RIMKLA: variants seen among roughly 807,000 people sequenced by gnomAD.
The protein encoded by RIMKLA is N-acetylaspartylglutamate synthase A.
In RIMKLA, 14 loss-of-function variants were observed where a neutral mutation model predicts 32.7. That is an observed-to-expected ratio of 0.43 (90% CI 0.28 to 0.67). RIMKLA has a LOEUF of 0.67. Ranked by LOEUF, RIMKLA falls within the 30% of genes least tolerant of loss-of-function variation. RIMKLA has a pLI of 0.18. For synonymous variants in RIMKLA, 176 were observed against 204.1 expected (o/e 0.86, Z 1.18); for missense variants, 410 against 519.0 (o/e 0.79, Z 2.04).
Position 42,416,950 on chromosome 1 carries a change from G to A in RIMKLA, c.*1976G>A, listed in dbSNP as rs1643254369. ...TAACCCTAGTAATGTGTCTTGTACA[G>A]TTGAAAAATAATACTTCACCTTTAT... On this transcript the variant is annotated 3_prime_UTR_variant, in exon 5 of 5. Transcript: ENST00000431473. The A allele has an allele frequency of 6.6e-6, 1 of 152,194 alleles. No individual in the cohort carries two copies. The highest frequency in any genetic ancestry group is 1.5e-5 in the Non-Finnish European group (1 of 68,032). 9.4% of individuals were successfully genotyped at this position (152,194 alleles called of 1,614,324 possible).
chr1:42,392,634 C>A (rs1185240726), intron 1 of RIMKLA, among the ~76,000 whole-genome samples: 2 of 152,088 alleles, frequency 1.3e-5, no homozygotes, highest in African/African-American at 4.8e-5. Context: ...ACACCATGCC[C>A]CTGGAGCAGC....
chr1:42,407,343 A>T (rs1557756762), intron 3 of RIMKLA, among the ~76,000 whole-genome samples: 4 of 116,658 alleles, frequency 3.4e-5, no homozygotes, highest in African/African-American at 1.2e-4. Flanking sequence ...GGTAAAGTCT[A>T]ACTTGTCTAT....
intron 1 of RIMKLA, among the ~76,000 whole-genome samples, chr1:42,383,182 G>T (rs371951753): frequency 2.6e-5 from 4 of 152,002 alleles, no homozygotes; most frequent in Admixed American, 2.6e-4. Flanking sequence ...CACCGCGTCC[G>T]GCCTGTTCTT....
chr1:42,403,767 T>G (rs1008275498), intron 2 of RIMKLA, among the ~76,000 whole-genome samples: 1 of 152,206 alleles, frequency 6.6e-6, no homozygotes, highest in African/African-American at 2.4e-5. Flanking sequence ...ACAGCATAGC[T>G]GGGTTCTCTG....
At chr1:42,410,825 T>C (rs536156897) in intron 4 of RIMKLA, among the ~76,000 whole-genome samples, 207 of 124,160 alleles carry the variant, frequency 1.7e-3, no homozygotes, top group African/African-American at 5.5e-3. Context: ...ATGTTGGTGA[T>C]AGGAAAAAAA....
rs1384842178 is a variant in RIMKLA, at chr1:42,380,865, C to G, written c.-70C>G. ...CCCGGACGCCGGCCGCCCCTCCGCTCGCCCTACTGAGCGAGCGGCCCGGGG... is the reference window on the plus strand; with the variant it reads ...CCCGGACGCCGGCCGCCCCTCCGCTGGCCCTACTGAGCGAGCGGCCCGGGG... On this transcript the variant is annotated 5_prime_UTR_variant, in exon 1 of 5. Coordinates refer to ENST00000431473, the MANE Select transcript of RIMKLA (RefSeq NM_173642.4). 4 of 1,102,160 alleles carry G rather than the reference C, an allele frequency of 3.6e-6. No individual in the cohort carries two copies. Among genetic ancestry groups the G allele is most frequent in the Non-Finnish European group, 4.5e-6 (4 of 886,154 alleles). 68.3% of individuals were successfully genotyped at this position (1,102,160 alleles called of 1,614,324 possible). A position where few individuals can be genotyped will look rare whatever the true frequency, so the allele number is the denominator to read the frequency against.
At position 42,408,515 on chromosome 1, in the gene RIMKLA, G is replaced by A. The variant is rs563854426; in HGVS notation, c.482-1469G>A. On this transcript the variant is annotated intron_variant, in intron 3 of 4. Coordinates refer to ENST00000431473, the MANE Select transcript of RIMKLA (RefSeq NM_173642.4). ...GCTCACCGCAACCTCTCTGCCTCCC[G>A]AGTTCAAGCGATTCTCCTGCCTCAG... Among the ~76,000 whole-genome samples the A allele has an allele frequency of 2.2e-4, 34 of 152,216 alleles. No homozygotes were observed. In the South Asian group the frequency reaches 5.2e-3, roughly 23 times the overall value.
At chr1:42,404,626 G>A in intron 3 of RIMKLA, 29 bp downstream of exon 3, 1 of 1,455,302 alleles carries the variant, frequency 6.9e-7, no homozygotes, top group Non-Finnish European at 9.6e-7. Context: ...GGGCTTCCTG[G>A]GTAATCAGCC....
At chr1:42,411,229 T>C (rs779493028) in intron 4 of RIMKLA, among the ~76,000 whole-genome samples, 5 of 151,640 alleles carry the variant, frequency 3.3e-5, no homozygotes, top group Non-Finnish European at 7.4e-5. Context: ...GCTGAACTCA[T>C]GAAGCTGAGG....
chr1:42,404,734 T>C (rs1206652889), intron 3 of RIMKLA, 137 bp downstream of exon 3: 1 of 608,938 alleles, frequency 1.6e-6, no homozygotes, highest in African/African-American at 1.8e-5. Context: ...TCTTTCTCTT[T>C]GTCCTCTGTT....
chr1:42,390,489 C>T (rs12119170), intron 1 of RIMKLA, among the ~76,000 whole-genome samples: 60,406 of 151,942 alleles, frequency 0.4, 12,627 homozygotes, highest in Middle Eastern at 0.54. Flanking sequence ...GGATCTACTG[C>T]GTATTTGGAG....
intron 3 of RIMKLA, among the ~76,000 whole-genome samples, chr1:42,405,914 G>A (rs1643139909): frequency 6.6e-6 from 1 of 152,224 alleles, no homozygotes; most frequent in South Asian, 2.1e-4. Context: ...CAACCAGTGA[G>A]CATAGATGAG....
intron 2 of RIMKLA, among the ~76,000 whole-genome samples, chr1:42,404,049 T>A (rs533435925): frequency 8.8e-4 from 134 of 152,242 alleles, no homozygotes; most frequent in African/African-American, 2.9e-3. Flanking sequence ...ATTTTTTTTT[T>A]AGAGACTCAT....
chr1:42,382,734 TA>T (rs1221046070), intron 1 of RIMKLA, among the ~76,000 whole-genome samples: 7 of 151,986 alleles, frequency 4.6e-5, no homozygotes, highest in South Asian at 4.1e-4. Context: ...GAATCAGTCC[TA>T]AAAAAAAGAT....
intron 2 of RIMKLA, among the ~76,000 whole-genome samples, chr1:42,403,279 C>T (rs1245631743): frequency 2.0e-5 from 3 of 152,184 alleles, no homozygotes; most frequent in Non-Finnish European, 2.9e-5. Context: ...CTTATTTCTG[C>T]TCTATACTGA....
chr1:42,381,649 C>G (rs1388267040), intron 1 of RIMKLA, among the ~76,000 whole-genome samples: 1 of 151,746 alleles, frequency 6.6e-6, no homozygotes, highest in Non-Finnish European at 1.5e-5. Context: ...GGAGTGTAGA[C>G]CTTTGATGGG....
intron 1 of RIMKLA, among the ~76,000 whole-genome samples, chr1:42,383,580 A>G (rs889077845): frequency 6.6e-6 from 1 of 151,924 alleles, no homozygotes; most frequent in African/African-American, 2.4e-5. Flanking sequence ...GTATTTCTCG[A>G]AAAAAAAATT....
Position 42,414,769 on chromosome 1 carries a change from A to G in RIMKLA, c.971A>G (p.Asn324Ser). 1 of 1,614,204 alleles carries G rather than the reference A, an allele frequency of 6.2e-7. No individual in the cohort carries two copies. Among genetic ancestry groups the G allele is most frequent in the Non-Finnish European group, 8.5e-7 (1 of 1,180,024 alleles). ...GGACTGTCGAGTCCAAGGGAGAAGA[A>G]CGAGCCGGATGGCTGTGCTTCAGCT... ...LPGLSSPREKNEPDGCASAQG... is the reference protein window; with the variant it reads ...LPGLSSPREKSEPDGCASAQG... Residue 324 changes from asparagine to serine, a missense_variant, in exon 5 of 5, where the codon AAC (asparagine) becomes AGC (serine). Physicochemically the swap from Asn to Ser is conservative, Grantham distance 46. Coordinates refer to ENST00000431473, the MANE Select transcript of RIMKLA (RefSeq NM_173642.4).
At chr1:42,394,286 C>G (rs1643023632) in intron 1 of RIMKLA, among the ~76,000 whole-genome samples, 1 of 152,124 alleles carries the variant, frequency 6.6e-6, no homozygotes, top group Non-Finnish European at 1.5e-5. Context: ...TCTGGCATAC[C>G]AGACATCCGT....
Sources: gnomAD v4.1 joint callset for allele counts (sites outside exome capture counted in the v4.1 genomes callset) on GRCh38, gnomAD v4.1.1 for gene constraint, MANE v1.5 for transcripts, NCBI Gene and HGNC (gene_info 2026-07-23, HGNC 2026-07-21) for gene names.